SCAF8: variants seen among roughly 807,000 people sequenced by gnomAD.
SCAF8 encodes SR-related CTD associated factor 8, also known as SR-related and CTD-associated factor 8.
SCAF8 carries 23 observed loss-of-function variants against 140.5 expected under a neutral mutation model. The ratio of observed to expected loss-of-function variants is 0.16; its 90% CI spans 0.12 to 0.23. SCAF8 has a LOEUF of 0.23. Ranked by LOEUF, SCAF8 falls within the 10% of genes least tolerant of loss-of-function variation. The pLI is 1.00. For synonymous variants in SCAF8, 575 were observed against 528.9 expected (o/e 1.09, Z -1.20); for missense variants, 1,397 against 1,555.7 (o/e 0.90, Z 1.72).
At chr6:154,822,470 T>G (rs1484074410) in intron 16 of SCAF8, 61 bp downstream of exon 16, 2 of 1,484,576 alleles carry the variant, frequency 1.3e-6, no homozygotes, top group East Asian at 4.5e-5. Flanking sequence ...TTTTTAATCA[T>G]GTATTTACTT....
At position 154,807,932 on chromosome 6, in the gene SCAF8, A is replaced by G. The variant is rs941359543; in HGVS notation, c.982-138A>G. 8 of 693,366 alleles carry G rather than the reference A, an allele frequency of 1.2e-5. No homozygotes were observed. In the African/African-American group the frequency reaches 1.3e-4, roughly 11 times the overall value. 43.0% of individuals were successfully genotyped at this position (693,366 alleles called of 1,614,324 possible). A position where few individuals can be genotyped will look rare whatever the true frequency, so the allele number is the denominator to read the frequency against. On this transcript the variant is annotated intron_variant, in intron 9 of 19. Transcript: ENST00000367178. ...TTTAATTTTGGATTGATTACTTTAT[A>G]AATGATTTAACATGGAATTTCTTTT...
chr6:154,739,098 G>A lies in SCAF8; in HGVS notation c.30+5168G>A, dbSNP rs150225817. Among the ~76,000 whole-genome samples, 559 of 152,198 alleles carry A rather than the reference G, an allele frequency of 3.7e-3. 1 individual carries two copies. Among genetic ancestry groups the A allele is most frequent in the African/African-American group, 0.013 (531 of 41,534 alleles). ...ACTCCTGGGCTCAAGTGATCTTCCT[G>A]CTTCAGCCTCCTGAGTAACTAGGAA... On this transcript the variant is annotated intron_variant, in intron 1 of 19. Coordinates refer to ENST00000367178, the MANE Select transcript of SCAF8 (RefSeq NM_014892.5).
chr6:154,776,287 GTGTATATATGTATATATATATA>G (rs1379344376), intron 2 of SCAF8, among the ~76,000 whole-genome samples: 1 of 147,900 alleles, frequency 6.8e-6, no homozygotes, highest in Non-Finnish European at 1.5e-5. Context: ...TGCATTTAGT[GTGTATATATGTATATATATATA>G]TGTATATATA....
At chr6:154,758,951 AC>A (rs1284388122) in intron 1 of SCAF8, among the ~76,000 whole-genome samples, 1 of 152,008 alleles carries the variant, frequency 6.6e-6, no homozygotes, top group Non-Finnish European at 1.5e-5. Flanking sequence ...TATTGGCTAC[AC>A]CTTTCTGTAT....
chr6:154,760,874 C>T lies in SCAF8; in HGVS notation c.31-13115C>T, dbSNP rs542134896. On this transcript the variant is annotated intron_variant, in intron 1 of 19. Coordinates refer to ENST00000367178, the MANE Select transcript of SCAF8 (RefSeq NM_014892.5). Reference sequence around the variant, plus strand: ...TAAAGGCTCACTGCATCCTTGGACTCTTGGGCTCAAATGATCCTCCTGCCT... The same window carrying T: ...TAAAGGCTCACTGCATCCTTGGACTTTTGGGCTCAAATGATCCTCCTGCCT... Among the ~76,000 whole-genome samples the T allele has an allele frequency of 2.7e-4, 41 of 152,310 alleles. No homozygotes were observed. In the South Asian group the frequency reaches 5.4e-3, roughly 20 times the overall value.
rs1491324615 is a variant in SCAF8, at chr6:154,793,838, AAT to A, written c.475+863_475+864del. Among the ~76,000 whole-genome samples, 3 of 149,840 alleles carry A rather than the reference AAT, an allele frequency of 2.0e-5. No individual in the cohort carries two copies. In the South Asian group the frequency reaches 6.3e-4, roughly 31 times the overall value. On this transcript the variant is annotated intron_variant, in intron 5 of 19. Transcript: ENST00000367178. Reference sequence around the variant, plus strand: ...CTCAAAAAAAAAAAAAAAAAAAAAAAATTTTTTTAAATCATAGTTCCAAGAAT... The same window carrying A: ...CTCAAAAAAAAAAAAAAAAAAAAAAATTTTTTAAATCATAGTTCCAAGAAT...
intron 11 of SCAF8, among the ~76,000 whole-genome samples, chr6:154,809,474 C>T (rs1053358669): frequency 2.0e-5 from 3 of 152,146 alleles, no homozygotes; most frequent in Non-Finnish European, 4.4e-5. Flanking sequence ...TTTCCTGAAG[C>T]ATTAACAATC....
At chr6:154,771,037 GC>G in intron 1 of SCAF8, among the ~76,000 whole-genome samples, 1 of 152,268 alleles carries the variant, frequency 6.6e-6, no homozygotes, top group African/African-American at 2.4e-5. Context: ...GAGCCACTAT[GC>G]CTGACCTTGG....
rs983824415 is a variant in SCAF8 at position 154,797,444 on chromosome 6, G to A, written c.606+2305G>A. ...GGAGTCTCGCTGTGTCACCCAGGCT[G>A]TAGTACAGTGGTGCAATCTTGGCTC... On this transcript the variant is annotated intron_variant, in intron 6 of 19. Coordinates refer to ENST00000367178, the MANE Select transcript of SCAF8 (RefSeq NM_014892.5). Among the ~76,000 whole-genome samples, 13 of 151,290 alleles carry A rather than the reference G, an allele frequency of 8.6e-5. 1 individual carries two copies. Among genetic ancestry groups the A allele is most frequent in the Middle Eastern group, 3.4e-3 (1 of 292 alleles).
At position 154,809,272 on chromosome 6, in the gene SCAF8, T is replaced by G. The variant is rs1778015597; in HGVS notation, c.1226+474T>G. 2.6e-5 allele frequency among the ~76,000 whole-genome samples: 4 copies of G among 152,174 alleles called. No individual in the cohort carries two copies. In the South Asian group the frequency reaches 8.3e-4, roughly 32 times the overall value. On this transcript the variant is annotated intron_variant, in intron 11 of 19. Transcript: ENST00000367178. ...AACTTAAAGACATCAGTCTTTAACA[T>G]TTTTGTATCCTATTTTTTGCGTATG...
At chr6:154,751,912 A>G (rs1329400726) in intron 1 of SCAF8, among the ~76,000 whole-genome samples, 1 of 152,220 alleles carries the variant, frequency 6.6e-6, no homozygotes, top group East Asian at 1.9e-4. Flanking sequence ...AGTATTGCAC[A>G]GAGCACCCAC....
intron 3 of SCAF8, among the ~76,000 whole-genome samples, chr6:154,782,906 TC>T (rs1396850201): frequency 1.3e-5 from 2 of 152,196 alleles, no homozygotes; most frequent in East Asian, 3.9e-4. Context: ...GCTCACTGAC[TC>T]AAATGTTAAT....
At chr6:154,759,966 G>A (rs1397278158) in intron 1 of SCAF8, among the ~76,000 whole-genome samples, 2 of 152,070 alleles carry the variant, frequency 1.3e-5, no homozygotes, top group Admixed American at 6.5e-5. Flanking sequence ...ACCGTGCCTG[G>A]CCATCATAAT....
Position 154,820,345 on chromosome 6 carries a change from A to G in SCAF8, c.1792+12A>G, listed in dbSNP as rs1326843994. 3 of 1,595,642 alleles carry G rather than the reference A, an allele frequency of 1.9e-6. No homozygotes were observed. Among genetic ancestry groups the G allele is most frequent in the Admixed American group, 1.8e-5 (1 of 54,702 alleles). On this transcript the variant is annotated intron_variant, in intron 15 of 19. Coordinates refer to ENST00000367178, the MANE Select transcript of SCAF8 (RefSeq NM_014892.5). ...GACTGTAAATACTGGTAAGAATTCT[A>G]AGGTCTTTTTATTGTTAAAAAAAAG...
intron 12 of SCAF8, among the ~76,000 whole-genome samples, chr6:154,813,190 G>C (rs749689365): frequency 3.3e-5 from 5 of 152,116 alleles, no homozygotes; most frequent in Non-Finnish European, 7.3e-5. Flanking sequence ...CTGAGGAACA[G>C]AGCAAGACCC....
chr6:154,824,207 G>A (rs1471627855), intron 16 of SCAF8, 27 bp from the exon 17 acceptor site: 3 of 1,609,846 alleles, frequency 1.9e-6, no homozygotes, highest in Non-Finnish European at 1.7e-6. Context: ...AAACTGATGA[G>A]TGAACTTTTT....
At chr6:154,785,700 A>G (rs1402737133) in intron 3 of SCAF8, among the ~76,000 whole-genome samples, 2 of 152,118 alleles carry the variant, frequency 1.3e-5, no homozygotes, top group Non-Finnish European at 1.5e-5. Flanking sequence ...GTGTATTTGT[A>G]TATTGCAAAA....
chr6:154,738,586 T>C (rs1778488332), intron 1 of SCAF8, among the ~76,000 whole-genome samples: 1 of 152,250 alleles, frequency 6.6e-6, no homozygotes, highest in Non-Finnish European at 1.5e-5. Flanking sequence ...GATGGAAGAC[T>C]TAAGTTCAGA....
At chr6:154,737,059 A>C (rs1186995755) in intron 1 of SCAF8, among the ~76,000 whole-genome samples, 1 of 152,224 alleles carries the variant, frequency 6.6e-6, no homozygotes, top group Non-Finnish European at 1.5e-5. Context: ...GATGTGTAGT[A>C]AACATTGTTA....
Sources: gnomAD v4.1 joint callset for allele counts (sites outside exome capture counted in the v4.1 genomes callset) on GRCh38, gnomAD v4.1.1 for gene constraint, MANE v1.5 for transcripts, NCBI Gene and HGNC (gene_info 2026-07-23, HGNC 2026-07-21) for gene names.